The following CNTN4 variants were observed in gnomAD, a reference collection of about 807,000 sequenced individuals.
The protein encoded by CNTN4 is contactin 4.
In CNTN4, 77 loss-of-function variants were observed where a neutral mutation model predicts 122.5. The observed-to-expected ratio is 0.63, with a 90% CI of 0.52 to 0.76. The LOEUF (loss-of-function observed/expected upper bound fraction) is 0.76, where lower values mean the gene tolerates loss of function less well. CNTN4 is among the 30% of genes least tolerant of loss of function. The probability of loss-of-function intolerance (pLI) is 0.00; values close to 1 mark genes in which losing one functional copy is unlikely to be tolerated. For synonymous variants in CNTN4, 512 were observed against 447.0 expected (o/e 1.15, Z -1.83); for missense variants, 1,256 against 1,259.1 (o/e 1.00, Z 0.04).
chr3:2,590,864 C>G (rs951397615), intron 4 of CNTN4, among the ~76,000 whole-genome samples: 2 of 151,474 alleles, frequency 1.3e-5, no homozygotes, highest in South Asian at 2.1e-4. Context: ...TTTGTTTTCT[C>G]TTTTATTAAA....
intron 4 of CNTN4, among the ~76,000 whole-genome samples, chr3:2,590,484 T>C (rs1033132924): frequency 1.1e-4 from 16 of 151,892 alleles, no homozygotes; most frequent in African/African-American, 3.9e-4. Flanking sequence ...CTCAAACTCC[T>C]AACCTCAAGT....
intron 3 of CNTN4, among the ~76,000 whole-genome samples, chr3:2,367,894 G>A (rs1431578510): frequency 6.6e-6 from 1 of 152,074 alleles, no homozygotes; most frequent in Non-Finnish European, 1.5e-5. Context: ...AGTGTCATTA[G>A]ATTGGCCTCA....
intron 2 of CNTN4, among the ~76,000 whole-genome samples, chr3:2,287,711 G>A (rs1615642): frequency 0.021 from 1,377 of 64,818 alleles, 45 homozygotes; most frequent in East Asian, 0.044. Context: ...AAGAAGAAGA[G>A]GAAGAAGAAG....
At chr3:2,356,435 C>G (rs113142087) in intron 3 of CNTN4, among the ~76,000 whole-genome samples, 386 of 152,234 alleles carry the variant, frequency 2.5e-3, no homozygotes, top group African/African-American at 7.1e-3. Context: ...CTTCCTGATG[C>G]CATGGCATCT....
chr3:2,705,607 A>G (rs1228547453), intron 4 of CNTN4, among the ~76,000 whole-genome samples: 1 of 30,830 alleles, frequency 3.2e-5, no homozygotes, highest in Non-Finnish European at 5.6e-5. Flanking sequence ...TATAAATTTT[A>G]TATATTTATA....
chr3:2,563,281 C>T (rs141282266), intron 3 of CNTN4, among the ~76,000 whole-genome samples: 137 of 152,190 alleles, frequency 9.0e-4, no homozygotes, highest in African/African-American at 2.7e-3. Context: ...ATAAAAAGAA[C>T]GCATGTCAGT....
At chr3:2,439,761 G>C (rs971391584) in intron 3 of CNTN4, among the ~76,000 whole-genome samples, 57 of 152,088 alleles carry the variant, frequency 3.7e-4, no homozygotes, top group African/African-American at 1.3e-3. Context: ...CAATAAAACA[G>C]AGACAAACAT....
chr3:2,931,411 G>A (rs996194557), intron 13 of CNTN4, among the ~76,000 whole-genome samples: 1 of 152,096 alleles, frequency 6.6e-6, no homozygotes, highest in African/African-American at 2.4e-5. Context: ...ACTGAGAGGG[G>A]GCAAATAAAG....
chr3:2,986,688 G>A (rs568314830), intron 13 of CNTN4, among the ~76,000 whole-genome samples: 45 of 152,330 alleles, frequency 3.0e-4, no homozygotes, highest in Non-Finnish European at 6.3e-4. Flanking sequence ...TATTTGAAAG[G>A]ACTCTGTTAA....
intron 3 of CNTN4, among the ~76,000 whole-genome samples, chr3:2,473,388 C>A (rs1445868008): frequency 6.6e-6 from 1 of 152,200 alleles, no homozygotes; most frequent in Non-Finnish European, 1.5e-5. Context: ...TATTCCATAC[C>A]TTTTATACTA....
intron 23 of CNTN4, among the ~76,000 whole-genome samples, chr3:3,050,940 C>G (rs889318244): frequency 1.3e-5 from 2 of 152,110 alleles, no homozygotes; most frequent in Admixed American, 1.3e-4. Context: ...TCCACATAAG[C>G]ATTTAGAACA....
chr3:2,150,219 T>G (rs572301363), intron 2 of CNTN4, among the ~76,000 whole-genome samples: 1 of 152,298 alleles, frequency 6.6e-6, no homozygotes, highest in Non-Finnish European at 1.5e-5. Context: ...TCATCATTTC[T>G]AATATAGGGA....
At chr3:2,476,076 A>C (rs186985514) in intron 3 of CNTN4, among the ~76,000 whole-genome samples, 57 of 152,360 alleles carry the variant, frequency 3.7e-4, no homozygotes, top group Non-Finnish European at 4.4e-5. Context: ...AATAAGTCAC[A>C]AAAAATTAAT....
intron 3 of CNTN4, among the ~76,000 whole-genome samples, chr3:2,392,398 G>A (rs1356445539): frequency 6.6e-6 from 1 of 152,106 alleles, no homozygotes; most frequent in Non-Finnish European, 1.5e-5. Flanking sequence ...GTCATTAAAT[G>A]TCTCTGGTTG....
chr3:2,530,353 G>C (rs1181469256), intron 3 of CNTN4, among the ~76,000 whole-genome samples: 4 of 140,006 alleles, frequency 2.9e-5, no homozygotes, highest in Non-Finnish European at 6.0e-5. Context: ...TCTGTCACCA[G>C]GCTGGAGTGC....
intron 6 of CNTN4, among the ~76,000 whole-genome samples, chr3:2,791,329 C>T (rs1027543412): frequency 2.0e-5 from 3 of 151,942 alleles, no homozygotes; most frequent in African/African-American, 7.3e-5. Context: ...CCCAGGAGTT[C>T]GAGACTAACC....
intron 2 of CNTN4, among the ~76,000 whole-genome samples, chr3:2,216,753 A>G (rs1312887055): frequency 6.6e-6 from 1 of 152,180 alleles, no homozygotes; most frequent in Non-Finnish European, 1.5e-5. Context: ...ATTTGCTTAT[A>G]GTTGATGTTA....
chr3:2,591,811 G>A (rs1047263628), intron 4 of CNTN4, among the ~76,000 whole-genome samples: 9 of 152,182 alleles, frequency 5.9e-5, no homozygotes, highest in Admixed American at 2.6e-4. Flanking sequence ...TTGAATGCCA[G>A]GTGTAGTAGT....
chr3:2,364,769 C>T (rs1031551144), intron 3 of CNTN4, among the ~76,000 whole-genome samples: 1 of 152,132 alleles, frequency 6.6e-6, no homozygotes, highest in African/African-American at 2.4e-5. Context: ...GTGATTCCAA[C>T]AAAGTTAAGG....
Sources: gnomAD v4.1 joint callset for allele counts (sites outside exome capture counted in the v4.1 genomes callset) on GRCh38, gnomAD v4.1.1 for gene constraint, MANE v1.5 for transcripts, NCBI Gene and HGNC (gene_info 2026-07-23, HGNC 2026-07-21) for gene names.